The following CEP97 variants were observed in gnomAD, a reference collection of about 807,000 sequenced individuals.
CEP97 encodes the protein centrosomal protein of 97 kDa.
In CEP97, 43 loss-of-function variants were observed where a neutral mutation model predicts 73.1. The observed-to-expected ratio is 0.59, with a 90% confidence interval of 0.46 to 0.76. CEP97 has a LOEUF of 0.76. Among genes scored for constraint, CEP97 ranks in the 30% least tolerant of loss-of-function variants. The pLI is 0.00. For synonymous variants in CEP97, 337 were observed against 370.0 expected, an observed-to-expected ratio of 0.91 and a Z score of 1.02; for missense variants, 939 against 1,014.0, an observed-to-expected ratio of 0.93 and a Z score of 1.00.
At chr3:101,758,531 A>C in intron 9 of CEP97, 108 bp downstream of exon 9, 1 of 1,331,600 alleles carries the variant, frequency 7.5e-7, no homozygotes, top group South Asian at 1.4e-5. Context: ...TTTTCACACA[A>C]TGTAGCCACT....
chr3:101,755,938 C>T (rs1165574309), intron 7 of CEP97, among the ~76,000 whole-genome samples: 1 of 152,162 alleles, frequency 6.6e-6, no homozygotes, highest in South Asian at 2.1e-4. Flanking sequence ...TCACTTTGTT[C>T]CTCAGTCTGA....
chr3:101,762,511 G>A lies in CEP97; in HGVS notation c.1844G>A (p.Arg615His), dbSNP rs371995529. ...RRLRKERDEE[R>H]IKKFVQEEAF... The stretch of plus-strand genomic sequence containing the variant: ...TTACGAAAAGAAAGAGATGAAGAAC[G>A]TATTAAAAAATTTGTACAAGAAGAA... The change falls in exon 10 of 11, where the codon CGT (arginine) becomes CAT (histidine). Residue 615 changes from arginine to histidine, a missense_variant. Physicochemically the swap from Arg to His is conservative, Grantham distance 29. Transcript: ENST00000341893. The A allele has an allele frequency of 1.4e-4, 232 of 1,610,128 alleles. No homozygotes were observed. Among genetic ancestry groups the A allele is most frequent in the Non-Finnish European group, 1.9e-4 (219 of 1,177,886 alleles).
intron 6 of CEP97, among the ~76,000 whole-genome samples, chr3:101,753,736 C>T (rs890281154): frequency 1.6e-4 from 25 of 152,200 alleles, no homozygotes; most frequent in African/African-American, 3.6e-4. Context: ...CCTGGTGCAC[C>T]GTTTTTTAAG....
Position 101,727,552 on chromosome 3 carries a change from T to C in CEP97, c.345+11T>C, listed in dbSNP as rs1302914316. 1 of 1,585,154 alleles carries C rather than the reference T, an allele frequency of 6.3e-7. No homozygotes were observed. Among genetic ancestry groups the C allele is most frequent in the Non-Finnish European group, 8.6e-7 (1 of 1,167,610 alleles). ...GGAAATAATCTTAAGGTGAATGGTT[T>C]CTTTTTTGTTTACAAAACTATTCTG... On this transcript the variant is annotated intron_variant, in intron 3 of 10. Coordinates refer to ENST00000341893, the MANE Select transcript of CEP97 (RefSeq NM_024548.4).
intron 6 of CEP97, among the ~76,000 whole-genome samples, chr3:101,733,991 T>G (rs971159712): frequency 6.6e-6 from 1 of 152,104 alleles, no homozygotes. Context: ...CACACCCAGC[T>G]AATTTTGTAT....
chr3:101,751,296 G>T (rs1938811459), intron 6 of CEP97, among the ~76,000 whole-genome samples: 2 of 152,162 alleles, frequency 1.3e-5, no homozygotes, highest in Admixed American at 1.3e-4. Context: ...TATAATTTCT[G>T]TTCTTTTACA....
intron 6 of CEP97, among the ~76,000 whole-genome samples, chr3:101,748,129 CAAAAAAAAAA>C (rs71625598): frequency 7.4e-5 from 4 of 53,898 alleles, no homozygotes; most frequent in African/African-American, 1.6e-4. Flanking sequence ...GACCTTGTCT[CAAAAAAAAAA>C]AAAAAAAAAA....
Position 101,765,526 on chromosome 3 carries a change from T to C in CEP97, c.2573T>C (p.Leu858Pro), listed in dbSNP as rs780528562. Residue 858 changes from leucine (L) to proline (P), a missense_variant, in exon 11 of 11, where the codon CTA (leucine) becomes CCA (proline). Transcript: ENST00000341893. ...CCAGAATGTGATTCTACATTTCAGC[T>C]ATTGCATGTTGGTGTTACTGTGTAG... ...QQPECDSTFQ[L>P]LHVGVTV The C allele has an allele frequency of 1.2e-6, 2 of 1,612,378 alleles. No homozygotes were observed. Among genetic ancestry groups the C allele is most frequent in the East Asian group, 4.5e-5 (2 of 44,846 alleles).
chr3:101,741,649 A>G (rs543279901), intron 6 of CEP97, among the ~76,000 whole-genome samples: 2 of 152,266 alleles, frequency 1.3e-5, no homozygotes, highest in African/African-American at 4.8e-5. Flanking sequence ...GCCAACAATC[A>G]TATGAAAAAA....
At position 101,732,616 on chromosome 3, in the gene CEP97, C is replaced by G. The variant is rs144895544; in HGVS notation, c.690C>G (p.Leu230=). 9.6e-4 allele frequency: 1,554 copies of G among 1,614,008 alleles called. 27 individuals are homozygous for G. In the South Asian group the frequency reaches 0.016, roughly 17 times the overall value. The stretch of plus-strand genomic sequence containing the variant: ...ACATCGTCAGCTGGTGCCTAAACCT[C>G]AGAGTCCTAGATGGATATGTGATTT... ...RPYIVSWCLN[L]RVLDGYVISQ... The change falls in exon 6 of 11, where the codon CTC becomes CTG. Residue 230 remains leucine, a synonymous_variant. Coordinates refer to ENST00000341893, the MANE Select transcript of CEP97 (RefSeq NM_024548.4).
intron 6 of CEP97, among the ~76,000 whole-genome samples, chr3:101,740,058 C>T (rs1938401279): frequency 6.6e-6 from 1 of 152,158 alleles, no homozygotes. Context: ...CCTTTGAAAA[C>T]TGGCACAAGA....
At chr3:101,763,108 G>T in intron 10 of CEP97, 1 of 1,189,782 alleles carries the variant, frequency 8.4e-7, no homozygotes, top group Non-Finnish European at 1.1e-6. Context: ...CTTTTTTATA[G>T]AAATGGGGTC....
At chr3:101,732,352 A>G (rs993061856) in intron 5 of CEP97, 136 bp from the exon 6 acceptor site, 25 of 636,666 alleles carry the variant, frequency 3.9e-5, no homozygotes, top group Admixed American at 3.0e-5. Context: ...TTGGAAGTCA[A>G]TGGACACTTG....
At chr3:101,738,011 C>CAAAAAAAAAAA (rs770745532) in intron 6 of CEP97, among the ~76,000 whole-genome samples, 36 of 44,204 alleles carry the variant, frequency 8.1e-4, no homozygotes, top group East Asian at 2.6e-3. Flanking sequence ...AAATGGAAAG[C>CAAAAAAAAAAA]AAAAAAAAAA....
At chr3:101,761,447 GC>G (rs1939174528) in intron 9 of CEP97, among the ~76,000 whole-genome samples, 1 of 152,190 alleles carries the variant, frequency 6.6e-6, no homozygotes, top group African/African-American at 2.4e-5. Flanking sequence ...CAGGTATGGG[GC>G]AAAGAGAAAG....
chr3:101,740,102 A>G (rs1560012040), intron 6 of CEP97, among the ~76,000 whole-genome samples: 1 of 152,184 alleles, frequency 6.6e-6, no homozygotes, highest in Non-Finnish European at 1.5e-5. Flanking sequence ...CCTATTCAAC[A>G]TAGTATTGGA....
At chr3:101,756,100 G>T (rs1389390459) in intron 7 of CEP97, among the ~76,000 whole-genome samples, 2 of 150,746 alleles carry the variant, frequency 1.3e-5, no homozygotes, top group East Asian at 1.9e-4. Flanking sequence ...TCACTCTGTT[G>T]CCCAGGCTGG....
At position 101,762,525 on chromosome 3, in the gene CEP97, G is replaced by T; in HGVS notation, c.1858G>T (p.Val620Leu). 4 of 1,611,206 alleles carry T rather than the reference G, an allele frequency of 2.5e-6. No individual in the cohort carries two copies. In the East Asian group the frequency reaches 6.7e-5, roughly 27 times the overall value. Residue 620 changes from valine (V) to leucine (L), a missense_variant, in exon 10 of 11, where the codon GTA (valine) becomes TTA (leucine). Coordinates refer to ENST00000341893, the MANE Select transcript of CEP97 (RefSeq NM_024548.4). The stretch of plus-strand genomic sequence containing the variant: ...AGATGAAGAACGTATTAAAAAATTT[G>T]TACAAGAAGAAGCTTTCAGATTCCT... ...ERDEERIKKFVQEEAFRFLWN... is the reference protein window; with the variant it reads ...ERDEERIKKFLQEEAFRFLWN...
At chr3:101,733,835 A>AT (rs1449543193) in intron 6 of CEP97, among the ~76,000 whole-genome samples, 2 of 137,092 alleles carry the variant, frequency 1.5e-5, no homozygotes, top group Non-Finnish European at 3.1e-5. Flanking sequence ...CAGCCTTTTT[A>AT]TTTTTTTTGA....
Sources: gnomAD v4.1 joint callset for allele counts (sites outside exome capture counted in the v4.1 genomes callset) on GRCh38, gnomAD v4.1.1 for gene constraint, MANE v1.5 for transcripts, NCBI Gene and HGNC (gene_info 2026-07-23, HGNC 2026-07-21) for gene names.